The following ZSCAN32 variants were observed in gnomAD, a reference collection of about 807,000 sequenced individuals.
ZSCAN32 encodes zinc finger and SCAN domain containing 32.
In ZSCAN32, 52 loss-of-function variants were observed where a neutral mutation model predicts 47.4. The ratio of observed to expected loss-of-function variants is 1.10; its 90% confidence interval spans 0.88 to 1.38. The LOEUF is 1.38. ZSCAN32 is among the 40% of genes most tolerant of loss of function. ZSCAN32 has a pLI of 0.00. For missense variants in ZSCAN32, 959 were observed against 846.0 expected (o/e 1.13, Z -1.66); for synonymous variants, 346 against 305.7 (o/e 1.13, Z -1.38).
At chr16:3,388,622 A>G (rs940134212) in intron 5 of ZSCAN32, among the ~76,000 whole-genome samples, 3 of 152,240 alleles carry the variant, frequency 2.0e-5, no homozygotes, top group African/African-American at 7.2e-5. Flanking sequence ...ATATTTGTGG[A>G]AAGAATGACT....
chr16:3,397,841 C>CG, intron 1 of ZSCAN32, 97 bp from the exon 2 acceptor site: 1 of 245,124 alleles, frequency 4.1e-6, no homozygotes, highest in Non-Finnish European at 7.8e-6. Context: ...ACTCCCTCCA[C>CG]AAATCTACAC....
Position 3,390,441 on chromosome 16 carries a change from G to T in ZSCAN32, c.609C>A (p.Val203=). ...GLHDQETGAV[V]WTAGSQGPAM... ...AGCTCACCTGGGACCCAGCTGTCCA[G>T]ACCACAGCACCTGTCTCCTGGTCGT... Residue 203 remains valine (V), a synonymous_variant, in exon 4 of 7, where the codon GTC becomes GTA. Transcript: ENST00000396852. The T allele has an allele frequency of 6.5e-7, 1 of 1,550,264 alleles. No homozygotes were observed. The highest frequency in any genetic ancestry group is 1.2e-5 in the South Asian group (1 of 84,016).
At chr16:3,392,750 T>C (rs75066686) in intron 3 of ZSCAN32, among the ~76,000 whole-genome samples, 2 of 151,850 alleles carry the variant, frequency 1.3e-5, no homozygotes, top group Non-Finnish European at 2.9e-5. Flanking sequence ...GGCGTGAACC[T>C]GGGAGGCAGA....
intron 4 of ZSCAN32, 42 bp downstream of exon 4, chr16:3,390,381 G>C: frequency 6.6e-7 from 1 of 1,505,212 alleles, no homozygotes; most frequent in Non-Finnish European, 9.0e-7. Flanking sequence ...TTTGGGGTGA[G>C]AGTGGGTACT....
At chr16:3,391,733 T>G (rs1381030441) in intron 3 of ZSCAN32, among the ~76,000 whole-genome samples, 2 of 151,654 alleles carry the variant, frequency 1.3e-5, no homozygotes, top group African/African-American at 4.8e-5. Context: ...TTTTCCAGTT[T>G]ATCAACACAG....
rs2031726930 is a variant in ZSCAN32 at position 3,384,690 on chromosome 16, T to C, written c.1003A>G (p.Met335Val). The part of the protein sequence containing the change: ...VPEPCIFYEE[M>V]NALSGSWASA... Reference sequence around the variant, plus strand: ...GCCCAGGAGCCTGAAAGAGCATTCATTTCCTCATAAAAGATACAAGGCTCA... The same window carrying C: ...GCCCAGGAGCCTGAAAGAGCATTCACTTCCTCATAAAAGATACAAGGCTCA... The change falls in exon 6 of 7, where the codon ATG (methionine) becomes GTG (valine). Residue 335 changes from methionine to valine, a missense_variant. By Grantham distance (21) the Met-to-Val change is conservative. Transcript: ENST00000396852. 6.2e-7 allele frequency: 1 copy of C among 1,614,138 alleles called. No individual in the cohort carries two copies. The highest frequency in any genetic ancestry group is 1.3e-5 in the African/African-American group (1 of 75,004).
Position 3,393,654 on chromosome 16 carries a change from G to C in ZSCAN32, c.527C>G (p.Ser176Ter). 1.3e-6 allele frequency: 2 copies of C among 1,546,326 alleles called. No homozygotes were observed. Among genetic ancestry groups the C allele is most frequent in the Non-Finnish European group, 1.7e-6 (2 of 1,144,882 alleles). The change falls in exon 3 of 7, where the codon TCA becomes TGA. Residue 176 changes from serine to a stop codon, truncating the protein, a stop_gained. Transcript: ENST00000396852. LOFTEE classifies it high-confidence loss of function. The part of the protein sequence containing the change: ...QSSHQRPGEQ[S>*]EAWLAPQAPR... ...GGACAGAGGCTTCTGCTTACCTTCT[G>C]ACTGTTCCCCTGGTCTTTGGTGTGA... is the stretch of plus-strand genomic sequence containing the variant.
At chr16:3,385,676 A>G (rs1367356119) in intron 5 of ZSCAN32, among the ~76,000 whole-genome samples, 2 of 152,214 alleles carry the variant, frequency 1.3e-5, no homozygotes, top group Non-Finnish European at 2.9e-5. Context: ...CAAACCTGAC[A>G]AAAACAAGCA....
chr16:3,382,554 T>C lies in ZSCAN32; in HGVS notation c.*298A>G. ...AGCCCAGAAAGTGTTCTTGGACCACTGGGTGCCCATTCTCAGTGCTAGGAA... is the reference window on the plus strand; with the variant it reads ...AGCCCAGAAAGTGTTCTTGGACCACCGGGTGCCCATTCTCAGTGCTAGGAA... On this transcript the variant is annotated 3_prime_UTR_variant, in exon 7 of 7. Transcript: ENST00000396852. 1 of 254,042 alleles carries C rather than the reference T, an allele frequency of 3.9e-6. No individual in the cohort carries two copies. The highest frequency in any genetic ancestry group is 7.5e-6 in the Non-Finnish European group (1 of 134,020). The allele number at this position is 254,042 out of a possible 1,614,324, so 15.7% of individuals were successfully genotyped here. A position where few individuals can be genotyped will look rare whatever the true frequency, so the allele number is the denominator to read the frequency against.
At chr16:3,391,975 A>C (rs184070663) in intron 3 of ZSCAN32, among the ~76,000 whole-genome samples, 38 of 152,350 alleles carry the variant, frequency 2.5e-4, no homozygotes, top group African/African-American at 8.9e-4. Flanking sequence ...CTTCCAATTA[A>C]ACAGAAAAGG....
rs775480550 is a variant in ZSCAN32, at chr16:3,384,439, C to A, written c.1234+20G>T. 6.2e-7 allele frequency: 1 copy of A among 1,613,486 alleles called. No individual in the cohort carries two copies. The highest frequency in any genetic ancestry group is 1.7e-5 in the Admixed American group (1 of 59,960). Reference sequence around the variant, plus strand: ...GTGGACTTTGCCATCCTTTGACCATCAGAGCCAAGGGAGTCTTACCAAGTC... The same window carrying A: ...GTGGACTTTGCCATCCTTTGACCATAAGAGCCAAGGGAGTCTTACCAAGTC... On this transcript the variant is annotated intron_variant, in intron 6 of 6. Transcript: ENST00000396852.
In ZSCAN32 at chr16:3,397,434, G is replaced by A; in HGVS notation, c.124C>T (p.Gln42Ter). Residue 42 changes from glutamine (Q) to a stop codon, truncating the protein, a stop_gained, in exon 2 of 7, where the codon CAG becomes TAG. Transcript: ENST00000396852. LOFTEE classifies it high-confidence loss of function. ...CCAGTTACCTCCTGGTAGCAAAACTGCCTGAAGCGCTGACGGGAGGCCTCG... is the reference window on the plus strand; with the variant it reads ...CCAGTTACCTCCTGGTAGCAAAACTACCTGAAGCGCTGACGGGAGGCCTCG... ...DSEASRQRFR[Q>*]FCYQEVTGPH... 1.3e-6 allele frequency: 2 copies of A among 1,551,472 alleles called. No homozygotes were observed. The highest frequency in any genetic ancestry group is 1.4e-5 in the African/African-American group (1 of 73,188).
intron 2 of ZSCAN32, among the ~76,000 whole-genome samples, chr16:3,396,071 C>CA (rs2033344010): frequency 1.3e-5 from 2 of 152,166 alleles, no homozygotes; most frequent in African/African-American, 4.8e-5. Context: ...GACCATCAAA[C>CA]AGAGTGATGG....
chr16:3,392,615 CAGG>C (rs2032848031), intron 3 of ZSCAN32, among the ~76,000 whole-genome samples: 1 of 152,124 alleles, frequency 6.6e-6, no homozygotes, highest in Non-Finnish European at 1.5e-5. Context: ...ATCACGAGGT[CAGG>C]AGATCGAGAC....
chr16:3,395,871 A>C (rs1216498821), intron 2 of ZSCAN32, among the ~76,000 whole-genome samples: 2 of 152,130 alleles, frequency 1.3e-5, no homozygotes, highest in African/African-American at 4.8e-5. Flanking sequence ...GGTGGTGTGC[A>C]CCTGTAGTCC....
intron 5 of ZSCAN32, among the ~76,000 whole-genome samples, chr16:3,385,717 G>C (rs1227207012): frequency 6.6e-6 from 1 of 152,144 alleles, no homozygotes; most frequent in African/African-American, 2.4e-5. Flanking sequence ...TTAATAAATG[G>C]TGCTGGGAAA....
At chr16:3,396,342 T>C (rs1417371698) in intron 2 of ZSCAN32, among the ~76,000 whole-genome samples, 1 of 152,162 alleles carries the variant, frequency 6.6e-6, no homozygotes, top group Non-Finnish European at 1.5e-5. Flanking sequence ...ATTTCATCTA[T>C]ATCCCCCTTC....
Position 3,384,811 on chromosome 16 carries a change from G to T in ZSCAN32, c.882C>A (p.Leu294=). 1 of 1,614,208 alleles carries T rather than the reference G, an allele frequency of 6.2e-7. No homozygotes were observed. Among genetic ancestry groups the T allele is most frequent in the Non-Finnish European group, 8.5e-7 (1 of 1,180,034 alleles). The stretch of plus-strand genomic sequence containing the variant: ...GGGTCCGCAGAAAACCCTGCTCCCA[G>T]AGTCCTTCCGCCATGGCCCTGTAGA... ...SQIYRAMAEG[L]WEQGFLRTPE... is the part of the protein sequence containing the mutation. Residue 294 remains leucine (L), a synonymous_variant, in exon 6 of 7, where the codon CTC becomes CTA. Coordinates refer to ENST00000396852, the MANE Select transcript of ZSCAN32 (RefSeq NM_001284527.2).
At position 3,390,456 on chromosome 16, in the gene ZSCAN32, C is replaced by T. The variant is rs2032548965; in HGVS notation, c.594G>A (p.Glu198=). 2 of 1,550,128 alleles carry T rather than the reference C, an allele frequency of 1.3e-6. No homozygotes were observed. The highest frequency in any genetic ancestry group is 2.4e-5 in the South Asian group (2 of 84,018). ...CAGCTGTCCAGACCACAGCACCTGT[C>T]TCCTGGTCGTGGAGACCTGTGTTTT... ...LPQNTGLHDQ[E]TGAVVWTAGS... Residue 198 remains glutamate (E), a synonymous_variant, in exon 4 of 7, where the codon GAG becomes GAA. Coordinates refer to ENST00000396852, the MANE Select transcript of ZSCAN32 (RefSeq NM_001284527.2).
Sources: gnomAD v4.1 joint callset for allele counts (sites outside exome capture counted in the v4.1 genomes callset) on GRCh38, gnomAD v4.1.1 for gene constraint, MANE v1.5 for transcripts, NCBI Gene and HGNC (gene_info 2026-07-23, HGNC 2026-07-21) for gene names.